Variants in ZNF383 observed in about 807,000 individuals in gnomAD.
ZNF383 encodes the protein zinc finger protein 383.
ZNF383 carries 32 observed loss-of-function variants against 44.2 expected under a neutral mutation model. That is an observed-to-expected ratio of 0.72 (90% CI 0.55 to 0.97). The LOEUF (loss-of-function observed/expected upper bound fraction) is 0.97. Ranked by LOEUF, ZNF383 falls within the 50% of genes least tolerant of loss-of-function variation. ZNF383 has a pLI of 0.00. For synonymous variants in ZNF383, 155 were observed against 186.2 expected (o/e 0.83, Z 1.36); for missense variants, 487 against 562.5 (o/e 0.87, Z 1.36).
Position 37,242,742 on chromosome 19 carries a change from C to A in ZNF383, c.506C>A (p.Pro169His), listed in dbSNP as rs760878144. ...CAAATAATTAATAATGAAGACAGAC[C>A]CTATGAATGTAAGAAATGTGGAAAG... ...LHQIINNEDR[P>H]YECKKCGKAF... Residue 169 changes from proline to histidine, a missense_variant, in exon 6 of 6, where the codon CCC (proline) becomes CAC (histidine). Physicochemically the swap from Pro to His is moderately conservative, Grantham distance 77. Coordinates refer to ENST00000684119, the MANE Select transcript of ZNF383 (RefSeq NM_001387601.1). 4 of 1,614,044 alleles carry A rather than the reference C, an allele frequency of 2.5e-6. No homozygotes were observed. In the Admixed American group the frequency reaches 5.0e-5, roughly 20 times the overall value.
intron 5 of ZNF383, 36 bp from the exon 6 acceptor site, chr19:37,242,433 G>A (rs200728904): frequency 5.0e-6 from 7 of 1,400,872 alleles, no homozygotes. Flanking sequence ...TTCACAAATA[G>A]GAAAAAAGAA....
At chr19:37,236,673 G>A (rs1021288075) in intron 5 of ZNF383, among the ~76,000 whole-genome samples, 1 of 151,524 alleles carries the variant, frequency 6.6e-6, no homozygotes, top group South Asian at 2.1e-4. Context: ...GGGTTCAGGC[G>A]ATTCTTCTGC....
rs1174946505 is a variant in ZNF383 at position 37,248,237 on chromosome 19, T to C, written c.*4573T>C. 1.3e-5 allele frequency: 2 copies of C among 152,238 alleles called. No individual in the cohort carries two copies. The highest frequency in any genetic ancestry group is 2.9e-5 in the Non-Finnish European group (2 of 68,036). 9.4% of individuals were successfully genotyped at this position (152,238 alleles called of 1,614,324 possible). A position where few individuals can be genotyped will look rare whatever the true frequency, so the allele number is the denominator to read the frequency against. The stretch of plus-strand genomic sequence containing the variant: ...GGTAGAGATTTTTATAGGTGAAATC[T>C]ATGAAATGTCTTAGGAAACTCTTCT... On this transcript the variant is annotated 3_prime_UTR_variant, in exon 6 of 6. Transcript: ENST00000684119.
intron 3 of ZNF383, among the ~76,000 whole-genome samples, chr19:37,234,641 T>C (rs562354168): frequency 2.6e-5 from 4 of 151,408 alleles, no homozygotes; most frequent in East Asian, 3.9e-4. Flanking sequence ...CAGCCCGCCT[T>C]GGCCTCCCAA....
intron 3 of ZNF383, among the ~76,000 whole-genome samples, chr19:37,234,155 C>T (rs948834157): frequency 2.0e-5 from 3 of 152,156 alleles, no homozygotes; most frequent in Admixed American, 6.5e-5. Flanking sequence ...TCAGCCACCA[C>T]GCACGGCCCA....
chr19:37,239,856 A>G (rs1462307543), intron 5 of ZNF383, among the ~76,000 whole-genome samples: 2 of 152,110 alleles, frequency 1.3e-5, no homozygotes, highest in Non-Finnish European at 2.9e-5. Flanking sequence ...GAGCTTAACT[A>G]GATGAAAGTT....
intron 4 of ZNF383, 111 bp from the exon 5 acceptor site, chr19:37,235,868 T>G: frequency 8.2e-7 from 1 of 1,222,276 alleles, no homozygotes; most frequent in Middle Eastern, 2.0e-4. Context: ...AAGCTTCATC[T>G]TCATCTTTCT....
At chr19:37,221,443 A>G (rs560797110) in intron 1 of ZNF383, among the ~76,000 whole-genome samples, 6 of 152,170 alleles carry the variant, frequency 3.9e-5, no homozygotes, top group Non-Finnish European at 7.4e-5. Flanking sequence ...TTAACCAGGC[A>G]TGGTTACATG....
At chr19:37,230,369 T>G (rs958277801) in intron 2 of ZNF383, 40 bp from the exon 3 acceptor site, 9 of 1,458,272 alleles carry the variant, frequency 6.2e-6, no homozygotes, top group Non-Finnish European at 8.6e-6. Context: ...AGGGTTTTAC[T>G]TCCCCAGTCA....
At position 37,235,289 on chromosome 19, in the gene ZNF383, GAA is replaced by G. The variant is rs200113814; in HGVS notation, c.10-257_10-256del. Among the ~76,000 whole-genome samples, 1,029 of 147,830 alleles carry G rather than the reference GAA, an allele frequency of 7.0e-3. 16 individuals are homozygous for G. Among genetic ancestry groups the G allele is most frequent in the African/African-American group, 0.024 (987 of 40,516 alleles). On this transcript the variant is annotated intron_variant, in intron 3 of 5. Transcript: ENST00000684119. ...TTTCTGTCTCAAAAAAAAAAAAAAA[GAA>G]AAGAAATCACAATCTAGACTCTAGG...
chr19:37,247,273 A>G lies in ZNF383; in HGVS notation c.*3609A>G, dbSNP rs952025646. The G allele has an allele frequency of 7.2e-5, 11 of 152,224 alleles. No individual in the cohort carries two copies. Among genetic ancestry groups the G allele is most frequent in the African/African-American group, 2.2e-4 (9 of 41,466 alleles). The allele number at this position is 152,224 out of a possible 1,614,324, so 9.4% of individuals were successfully genotyped here. On this transcript the variant is annotated 3_prime_UTR_variant, in exon 6 of 6. Coordinates refer to ENST00000684119, the MANE Select transcript of ZNF383 (RefSeq NM_001387601.1). ...AAAGAAAAAAACTGGATCTGAATCC[A>G]AAATTGATATTTGATGGAAGAGAAA...
Position 37,243,393 on chromosome 19 carries a change from G to A in ZNF383, c.1157G>A (p.Arg386Lys), listed in dbSNP as rs1974235374. ...AGCTCACAGCTTCGTCAACATCAGA[G>A]AATTCACGCTGGTGAGAAACCCTTT... ...TQSSQLRQHQ[R>K]IHAGEKPFEC... Residue 386 changes from arginine (R) to lysine (K), a missense_variant, in exon 6 of 6, where the codon AGA (arginine) becomes AAA (lysine). Coordinates refer to ENST00000684119, the MANE Select transcript of ZNF383 (RefSeq NM_001387601.1). 1.9e-6 allele frequency: 3 copies of A among 1,614,174 alleles called. No individual in the cohort carries two copies. In the South Asian group the frequency reaches 3.3e-5, roughly 18 times the overall value.
At chr19:37,239,805 CA>C (rs1973990701) in intron 5 of ZNF383, among the ~76,000 whole-genome samples, 1 of 152,118 alleles carries the variant, frequency 6.6e-6, no homozygotes, top group African/African-American at 2.4e-5. Flanking sequence ...ATGACATTGG[CA>C]GTGGAAGACA....
chr19:37,246,630 A>C lies in ZNF383; in HGVS notation c.*2966A>C, dbSNP rs1974384124. 2 of 151,970 alleles carry C rather than the reference A, an allele frequency of 1.3e-5. No individual in the cohort carries two copies. Among genetic ancestry groups the C allele is most frequent in the Admixed American group, 6.6e-5 (1 of 15,240 alleles). The allele number at this position is 151,970 out of a possible 1,614,324, so 9.4% of individuals were successfully genotyped here. On this transcript the variant is annotated 3_prime_UTR_variant, in exon 6 of 6. Coordinates refer to ENST00000684119, the MANE Select transcript of ZNF383 (RefSeq NM_001387601.1). The stretch of plus-strand genomic sequence containing the variant: ...TACTAAAAATACAAAAAAAACAAAA[A>C]CAAAAACAAATAGCCAGGCATGGTG...
intron 5 of ZNF383, among the ~76,000 whole-genome samples, chr19:37,240,735 C>T (rs1349093177): frequency 6.6e-6 from 1 of 152,208 alleles, no homozygotes; most frequent in African/African-American, 2.4e-5. Context: ...TACACACCTA[C>T]ATCAAATTAG....
At chr19:37,232,286 A>T (rs1973531770) in intron 3 of ZNF383, among the ~76,000 whole-genome samples, 1 of 151,894 alleles carries the variant, frequency 6.6e-6, no homozygotes, top group African/African-American at 2.4e-5. Context: ...TGTTGGCCAG[A>T]CTGGTCTTGA....
At chr19:37,225,343 C>T (rs1165143840) in intron 2 of ZNF383, 1 of 152,348 alleles carries the variant, frequency 6.6e-6, no homozygotes, top group Non-Finnish European at 1.5e-5. Context: ...ATCCACCTGC[C>T]TTGGCCTCCC....
Position 37,245,879 on chromosome 19 carries a change from C to T in ZNF383, c.*2215C>T, listed in dbSNP as rs1324506211. 2 of 151,680 alleles carry T rather than the reference C, an allele frequency of 1.3e-5. No homozygotes were observed. Among genetic ancestry groups the T allele is most frequent in the Admixed American group, 1.3e-4 (2 of 15,214 alleles). 9.4% of individuals were successfully genotyped at this position (151,680 alleles called of 1,614,324 possible). A position where few individuals can be genotyped will look rare whatever the true frequency, so the allele number is the denominator to read the frequency against. ...TGGTGCAATCTCGGCTCACTGCAAC[C>T]TCTGCCTCCCGAGTTCAAGTGAGTC... On this transcript the variant is annotated 3_prime_UTR_variant, in exon 6 of 6. Transcript: ENST00000684119.
At position 37,235,979 on chromosome 19, in the gene ZNF383, G is replaced by A. The variant is rs773867231; in HGVS notation, c.137G>A (p.Gly46Glu). 6.2e-7 allele frequency: 1 copy of A among 1,611,328 alleles called. No individual in the cohort carries two copies. The highest frequency in any genetic ancestry group is 2.2e-5 in the East Asian group (1 of 44,820). ...GTTCCATATCTTTTCTCGTGAGCAG[G>A]ACTTTACACTCCTAAGCCTCAAGTG... is the stretch of plus-strand genomic sequence containing the variant. ...LENYGNLVSM[G>E]LYTPKPQVIS... Residue 46 changes from glycine to glutamate, a missense_variant and splice_region_variant, in exon 5 of 6, where the codon GGA becomes GAA. Physicochemically the swap from Gly to Glu is moderately conservative, Grantham distance 98. Transcript: ENST00000684119.
Sources: allele counts gnomAD v4.1 joint callset (sites outside exome capture counted in the v4.1 genomes callset), GRCh38; gene constraint gnomAD v4.1.1; transcripts MANE v1.5; gene names NCBI Gene and HGNC (gene_info 2026-07-23, HGNC 2026-07-21).